Variants in DTD1 observed in about 807,000 individuals in gnomAD.
DTD1 encodes D-aminoacyl-tRNA deacylase 1.
Under a neutral mutation model 25.6 loss-of-function variants are expected in DTD1, and 13 were observed. The observed-to-expected ratio is 0.51, with a 90% CI of 0.33 to 0.81. DTD1 has a LOEUF of 0.81. Ranked by LOEUF, DTD1 falls within the 30% of genes least tolerant of loss-of-function variation. DTD1 has a pLI of 0.02. For missense variants in DTD1, 193 were observed against 266.4 expected (o/e 0.72, Z 1.92); for synonymous variants, 110 against 103.6 (o/e 1.06, Z -0.37).
At position 18,632,652 on chromosome 20, in the gene DTD1, A is replaced by G. The variant is rs147643021; in HGVS notation, c.477+4419A>G. On this transcript the variant is annotated intron_variant, in intron 4 of 5. Coordinates refer to ENST00000377452, the MANE Select transcript of DTD1 (RefSeq NM_080820.6). Reference sequence around the variant, plus strand: ...CCAATCAGTAATGAAAACTGCTACAATTACATTAAAGAAAAATGGTTCTTT... The same window carrying G: ...CCAATCAGTAATGAAAACTGCTACAGTTACATTAAAGAAAAATGGTTCTTT... 7.3e-3 allele frequency: 7,159 copies of G among 983,330 alleles called. 27 individuals carry two copies. The highest frequency in any genetic ancestry group is 8.0e-3 in the Non-Finnish European group (6,651 of 827,966). The allele number at this position is 983,330 out of a possible 1,614,324, so 60.9% of individuals were successfully genotyped here.
intron 4 of DTD1, among the ~76,000 whole-genome samples, chr20:18,738,961 C>T (rs189707780): frequency 1.5e-4 from 23 of 152,336 alleles, no homozygotes; most frequent in Non-Finnish European, 3.1e-4. Flanking sequence ...AAAGAAAGTG[C>T]GAATGTTCTT....
At chr20:18,590,502 G>C (rs2060585155) in intron 1 of DTD1, among the ~76,000 whole-genome samples, 1 of 152,150 alleles carries the variant, frequency 6.6e-6, no homozygotes, top group African/African-American at 2.4e-5. Flanking sequence ...AGAGAGTCTT[G>C]CTCTGTTGCC....
At chr20:18,670,113 G>A (rs2060946502) in intron 4 of DTD1, among the ~76,000 whole-genome samples, 1 of 152,174 alleles carries the variant, frequency 6.6e-6, no homozygotes, top group Non-Finnish European at 1.5e-5. Flanking sequence ...CCGTGTGTGT[G>A]TACTGCTGAT....
chr20:18,730,363 T>G (rs375341589), intron 4 of DTD1, among the ~76,000 whole-genome samples: 2 of 152,188 alleles, frequency 1.3e-5, no homozygotes, highest in South Asian at 4.1e-4. Flanking sequence ...ATATACTTAG[T>G]GCTTTAAAAT....
At chr20:18,640,395 T>A (rs1272480415) in intron 4 of DTD1, among the ~76,000 whole-genome samples, 1 of 152,130 alleles carries the variant, frequency 6.6e-6, no homozygotes, top group Non-Finnish European at 1.5e-5. Flanking sequence ...TTTTTGACAA[T>A]AACTCTCATT....
intron 4 of DTD1, among the ~76,000 whole-genome samples, chr20:18,714,993 C>T (rs1351429311): frequency 6.6e-6 from 1 of 152,096 alleles, no homozygotes; most frequent in African/African-American, 2.4e-5. Flanking sequence ...ACAGGCCTTT[C>T]CTAGATTCTA....
intron 4 of DTD1, among the ~76,000 whole-genome samples, chr20:18,672,753 A>G (rs545662590): frequency 6.6e-6 from 1 of 152,352 alleles, no homozygotes; most frequent in South Asian, 2.1e-4. Flanking sequence ...GATACCTAAC[A>G]AGTCAACATC....
chr20:18,686,668 G>C (rs551500680), intron 4 of DTD1, among the ~76,000 whole-genome samples: 1 of 151,938 alleles, frequency 6.6e-6, no homozygotes, highest in Non-Finnish European at 1.5e-5. Flanking sequence ...GTGTGTGTGT[G>C]TGTGTGTGGT....
chr20:18,658,636 A>G (rs1247627199), intron 4 of DTD1, among the ~76,000 whole-genome samples: 1 of 152,258 alleles, frequency 6.6e-6, no homozygotes, highest in East Asian at 1.9e-4. Flanking sequence ...CCATGTAAAC[A>G]CACAGGTAAC....
At chr20:18,631,963 C>T (rs1461091850) in intron 4 of DTD1, 4 of 932,952 alleles carry the variant, frequency 4.3e-6, no homozygotes, top group Non-Finnish European at 5.1e-6. Flanking sequence ...GAGTAAGTCT[C>T]AAGATCTAAT....
At chr20:18,685,328 G>A (rs1445700004) in intron 4 of DTD1, among the ~76,000 whole-genome samples, 1 of 152,230 alleles carries the variant, frequency 6.6e-6, no homozygotes, top group Non-Finnish European at 1.5e-5. Context: ...TGGAAGGAGA[G>A]AGAATCCACC....
intron 4 of DTD1, among the ~76,000 whole-genome samples, chr20:18,653,859 A>G (rs6136455): frequency 6.6e-6 from 1 of 152,156 alleles, no homozygotes. Flanking sequence ...AAACAGTTTT[A>G]AAGTTTCAAA....
chr20:18,751,575 C>A (rs1476212108), intron 5 of DTD1, among the ~76,000 whole-genome samples: 3 of 152,130 alleles, frequency 2.0e-5, no homozygotes, highest in Non-Finnish European at 4.4e-5. Context: ...TCACTGCATC[C>A]TCCACCTCCC....
At chr20:18,708,298 A>ATATACATATTT (rs2061141991) in intron 4 of DTD1, among the ~76,000 whole-genome samples, 1 of 43,204 alleles carries the variant, frequency 2.3e-5, no homozygotes, top group African/African-American at 9.3e-5. Context: ...TATATATATA[A>ATATACATATTT]TATATATATT....
At chr20:18,708,343 ATATTATATATC>A in intron 4 of DTD1, among the ~76,000 whole-genome samples, 4 of 65,260 alleles carry the variant, frequency 6.1e-5, no homozygotes, top group Non-Finnish European at 3.0e-5. Context: ...TTTTATATAT[ATATTATATATC>A]TATATATATA....
Position 18,720,806 on chromosome 20 carries a change from C to T in DTD1, c.478-23294C>T, listed in dbSNP as rs370518745. 2.8e-4 allele frequency among the ~76,000 whole-genome samples: 43 copies of T among 152,228 alleles called. No individual in the cohort carries two copies. The East Asian group carries it at 7.7e-3, about 27-fold the overall frequency. ...CTGGGTGGTCAAAGCTGCAGTGAGC[C>T]GAGATCAAACCACTGCACTCCAGCC... On this transcript the variant is annotated intron_variant, in intron 4 of 5. Transcript: ENST00000377452.
At chr20:18,622,502 T>A (rs1411504199) in intron 3 of DTD1, among the ~76,000 whole-genome samples, 1 of 152,224 alleles carries the variant, frequency 6.6e-6, no homozygotes, top group Non-Finnish European at 1.5e-5. Context: ...GCTTTTTCAC[T>A]AAGTGTTAAC....
chr20:18,741,897 ATTT>A (rs57912866), intron 4 of DTD1, among the ~76,000 whole-genome samples: 45 of 88,708 alleles, frequency 5.1e-4, no homozygotes, highest in South Asian at 1.2e-3. Context: ...TAACCTTTGT[ATTT>A]TTTTTTTTTT....
intron 5 of DTD1, among the ~76,000 whole-genome samples, chr20:18,757,306 A>G (rs951809176): frequency 1.3e-5 from 2 of 152,172 alleles, no homozygotes; most frequent in African/African-American, 4.8e-5. Flanking sequence ...TTTCAACACT[A>G]TGTTGAATAG....
Sources: gnomAD v4.1 joint callset for allele counts (sites outside exome capture counted in the v4.1 genomes callset) on GRCh38, gnomAD v4.1.1 for gene constraint, MANE v1.5 for transcripts, NCBI Gene and HGNC (gene_info 2026-07-23, HGNC 2026-07-21) for gene names.